PLA2R1: variants seen among roughly 807,000 people sequenced by gnomAD.
PLA2R1 encodes the protein secretory phospholipase A2 receptor.
Under a neutral mutation model 195.9 loss-of-function variants are expected in PLA2R1, and 158 were observed. The ratio of observed to expected loss-of-function variants is 0.81; its 90% CI spans 0.71 to 0.92. The LOEUF is 0.92. Among genes scored for constraint, PLA2R1 ranks in the 40% least tolerant of loss-of-function variants. The pLI is 0.00. For missense variants in PLA2R1, 1,626 were observed against 1,764.6 expected, an observed-to-expected ratio of 0.92 and a Z score of 1.41; for synonymous variants, 586 against 598.2, an observed-to-expected ratio of 0.98 and a Z score of 0.30.
chr2:159,926,644 A>T, the PLA2R1 span, among the ~76,000 whole-genome samples: 1 of 152,344 alleles, frequency 6.6e-6, no homozygotes, highest in East Asian at 1.9e-4. Flanking sequence ...CTGTATAAGT[A>T]GGGGCTCTCC....
chr2:159,969,899 T>G (rs1444393580), intron 18 of PLA2R1, among the ~76,000 whole-genome samples: 1 of 152,132 alleles, frequency 6.6e-6, no homozygotes, highest in African/African-American at 2.4e-5. Context: ...AATTAGTGAA[T>G]AAATAAATAA....
At chr2:159,969,666 C>G (rs867544458) in intron 18 of PLA2R1, among the ~76,000 whole-genome samples, 10 of 152,238 alleles carry the variant, frequency 6.6e-5, no homozygotes, top group South Asian at 2.1e-4. Flanking sequence ...CTTAGCCCCC[C>G]CAAGTAGCTG....
chr2:159,967,673 A>G lies in PLA2R1; in HGVS notation c.2770T>C (p.Trp924Arg), dbSNP rs1313592532. Residue 924 changes from tryptophan to arginine, a missense_variant, in exon 20 of 30, where the codon TGG (tryptophan) becomes CGG (arginine). Trp to Arg is a moderately radical substitution (Grantham distance 101). Coordinates refer to ENST00000283243, the MANE Select transcript of PLA2R1 (RefSeq NM_007366.5). The stretch of plus-strand genomic sequence containing the variant: ...GAAACTGAACACTCTTCACTACCCC[A>G]GAGTCCTGGAGGAGAAAATGGGTTA... ...CGFISSITGL[W>R]GSEECSVSMP... 5 of 1,613,206 alleles carry G rather than the reference A, an allele frequency of 3.1e-6. No homozygotes were observed. The African/African-American group carries it at 5.3e-5, about 17-fold the overall frequency.
intron 1 of PLA2R1, among the ~76,000 whole-genome samples, chr2:160,060,680 G>A (rs1393707196): frequency 1.3e-5 from 2 of 152,178 alleles, no homozygotes; most frequent in East Asian, 1.9e-4. Flanking sequence ...AGGCACTGAT[G>A]AGAATTTGTC....
intron 13 of PLA2R1, among the ~76,000 whole-genome samples, chr2:159,980,487 T>C (rs1689871120): frequency 6.6e-6 from 1 of 152,214 alleles, no homozygotes; most frequent in South Asian, 2.1e-4. Context: ...TCATGTATTC[T>C]CTGAAAGTCA....
intron 17 of PLA2R1, among the ~76,000 whole-genome samples, chr2:159,971,965 T>C (rs1263857961): frequency 6.6e-6 from 1 of 152,172 alleles, no homozygotes; most frequent in Non-Finnish European, 1.5e-5. Context: ...TGAATTCAGA[T>C]TCCCATTGTC....
At chr2:159,980,932 T>A (rs948778668) in intron 13 of PLA2R1, among the ~76,000 whole-genome samples, 3 of 152,226 alleles carry the variant, frequency 2.0e-5, no homozygotes, top group African/African-American at 7.2e-5. Context: ...AGATCACTGA[T>A]GCCCGGTTGG....
chr2:159,934,115 T>G lies in PLA2R1; in HGVS notation c.*7663A>C, dbSNP rs985105433. ...TAATCACTACAGTCAAAGTTTCTTA[T>G]AAATGTTGGCAATAAGAATTATGAT... is the stretch of plus-strand genomic sequence containing the variant. On this transcript the variant is annotated 3_prime_UTR_variant, in exon 30 of 30. Transcript: ENST00000283243. The G allele has an allele frequency of 1.3e-5, 2 of 152,232 alleles. No homozygotes were observed. The highest frequency in any genetic ancestry group is 2.9e-5 in the Non-Finnish European group (2 of 68,044). The allele number at this position is 152,232 out of a possible 1,614,324, so 9.4% of individuals were successfully genotyped here. A position where few individuals can be genotyped will look rare whatever the true frequency, so the allele number is the denominator to read the frequency against.
At chr2:159,926,516 T>C in the PLA2R1 span, among the ~76,000 whole-genome samples, 1 of 152,174 alleles carries the variant, frequency 6.6e-6, no homozygotes, top group South Asian at 2.1e-4. Flanking sequence ...AATTGGAATT[T>C]TATGTTGTTG....
At chr2:159,942,905 G>A (rs1687164544) in intron 28 of PLA2R1, among the ~76,000 whole-genome samples, 1 of 151,462 alleles carries the variant, frequency 6.6e-6, no homozygotes, top group South Asian at 2.1e-4. Flanking sequence ...CATTCACTCT[G>A]ATAGACATGA....
At chr2:160,021,118 T>A (rs1693080627) in intron 7 of PLA2R1, among the ~76,000 whole-genome samples, 1 of 152,134 alleles carries the variant, frequency 6.6e-6, no homozygotes, top group Non-Finnish European at 1.5e-5. Flanking sequence ...AGGAGTTTTT[T>A]TTTCCCCAAC....
At chr2:159,980,190 C>T (rs1486812873) in intron 13 of PLA2R1, among the ~76,000 whole-genome samples, 2 of 152,160 alleles carry the variant, frequency 1.3e-5, no homozygotes, top group Non-Finnish European at 1.5e-5. Flanking sequence ...GTGACATGAA[C>T]TGAGAGAAGA....
intron 1 of PLA2R1, among the ~76,000 whole-genome samples, chr2:160,058,634 T>A (rs1377391598): frequency 6.6e-6 from 1 of 152,148 alleles, no homozygotes; most frequent in East Asian, 1.9e-4. Context: ...TTCTTCTTTC[T>A]CCCCGCTGTC....
chr2:159,930,515 A>C (rs376408686), downstream of PLA2R1, among the ~76,000 whole-genome samples: 11 of 152,168 alleles, frequency 7.2e-5, no homozygotes, highest in African/African-American at 2.7e-4. Flanking sequence ...ATGTAACCAA[A>C]CACCACCTGT....
Position 160,022,645 on chromosome 2 carries a change from C to G in PLA2R1, c.1294+20G>C, listed in dbSNP as rs763531876. ...ACATTATATTTTATGCCTTTTAAACCAAAGGCAGCTGGGACTCACCATCTC... is the reference window on the plus strand; with the variant it reads ...ACATTATATTTTATGCCTTTTAAACGAAAGGCAGCTGGGACTCACCATCTC... On this transcript the variant is annotated intron_variant, in intron 7 of 29. Transcript: ENST00000283243. The G allele has an allele frequency of 4.1e-6, 6 of 1,478,914 alleles. No homozygotes were observed. Among genetic ancestry groups the G allele is most frequent in the Non-Finnish European group, 5.5e-6 (6 of 1,095,134 alleles). The allele number at this position is 1,478,914 out of a possible 1,614,324, so 91.6% of individuals were successfully genotyped here.
intron 4 of PLA2R1, among the ~76,000 whole-genome samples, chr2:160,031,900 G>A (rs1474618272): frequency 1.3e-5 from 2 of 152,146 alleles, no homozygotes; most frequent in East Asian, 3.9e-4. Flanking sequence ...CTTAGTAGCT[G>A]GGACTACGGG....
At chr2:159,960,138 A>C (rs1270980834) in intron 20 of PLA2R1, among the ~76,000 whole-genome samples, 4 of 151,946 alleles carry the variant, frequency 2.6e-5, no homozygotes, top group Non-Finnish European at 4.4e-5. Context: ...CTAGTTCTCT[A>C]TGTTTCCTTT....
downstream of PLA2R1, among the ~76,000 whole-genome samples, chr2:159,931,390 T>C (rs1686582598): frequency 6.6e-6 from 1 of 151,826 alleles, no homozygotes; most frequent in African/African-American, 2.4e-5. Flanking sequence ...AATAATAAGG[T>C]GGGCATGGTG....
chr2:159,987,938 C>T (rs995220956), intron 11 of PLA2R1, among the ~76,000 whole-genome samples: 11 of 152,162 alleles, frequency 7.2e-5, no homozygotes, highest in South Asian at 6.2e-4. Context: ...GAGAGAGGGG[C>T]TTTTATATGA....
Sources: allele counts gnomAD v4.1 joint callset (sites outside exome capture counted in the v4.1 genomes callset), GRCh38; gene constraint gnomAD v4.1.1; transcripts MANE v1.5; gene names NCBI Gene and HGNC (gene_info 2026-07-23, HGNC 2026-07-21).